SCRG1: variants seen among roughly 807,000 people sequenced by gnomAD.
SCRG1 encodes the protein scrapie-responsive protein 1.
Under a neutral mutation model 7.7 loss-of-function variants are expected in SCRG1, and 3 were observed. The ratio of observed to expected loss-of-function variants is 0.39; its 90% CI spans 0.18 to 1.01. The LOEUF is 1.01. SCRG1 is among the 50% of genes least tolerant of loss of function. The pLI is 0.36. For synonymous variants in SCRG1, 46 were observed against 41.2 expected (o/e 1.12, Z -0.44); for missense variants, 110 against 117.2 (o/e 0.94, Z 0.28).
At chr4:173,504,439 C>T in the SCRG1 span, among the ~76,000 whole-genome samples, 1 of 152,198 alleles carries the variant, frequency 6.6e-6, no homozygotes, top group Admixed American at 6.5e-5. This position sits in a 1 kb window ranked among gnomAD's most constrained non-coding sequence, Gnocchi z 4.7. Context: ...TGGGTAGAAC[C>T]AGACAGGAGA....
the SCRG1 span, among the ~76,000 whole-genome samples, chr4:173,472,639 G>A: frequency 1.3e-4 from 20 of 152,298 alleles, 1 homozygote; most frequent in South Asian, 4.1e-4. Flanking sequence ...AGGAAAATCC[G>A]ATGTCCCAGC....
chr4:173,475,265 G>A, the SCRG1 span, among the ~76,000 whole-genome samples: 24 of 152,206 alleles, frequency 1.6e-4, no homozygotes, highest in Non-Finnish European at 3.2e-4. Flanking sequence ...ACCCCTTAGG[G>A]GACATTTGGA....
chr4:173,458,905 G>T, the SCRG1 span, among the ~76,000 whole-genome samples: 1 of 152,048 alleles, frequency 6.6e-6, no homozygotes, highest in South Asian at 2.1e-4. Context: ...GACCAAAAGT[G>T]AACGGATGGA....
chr4:173,496,641 TG>T, the SCRG1 span, among the ~76,000 whole-genome samples: 1 of 152,174 alleles, frequency 6.6e-6, no homozygotes, highest in African/African-American at 2.4e-5. Context: ...TAATAGTATT[TG>T]CAAACAGGCA....
the SCRG1 span, among the ~76,000 whole-genome samples, chr4:173,473,948 G>A: frequency 1.3e-5 from 2 of 152,220 alleles, no homozygotes; most frequent in Non-Finnish European, 2.9e-5. Flanking sequence ...GGGAGGCTGA[G>A]GTTGGTGGAT....
At chr4:173,454,116 C>A in the SCRG1 span, among the ~76,000 whole-genome samples, 1 of 148,916 alleles carries the variant, frequency 6.7e-6, no homozygotes, top group Non-Finnish European at 1.5e-5. Flanking sequence ...GGAGGCTGTG[C>A]GATCTAGGAA....
chr4:173,482,900 T>C, the SCRG1 span, among the ~76,000 whole-genome samples: 10 of 139,654 alleles, frequency 7.2e-5, no homozygotes, highest in South Asian at 1.3e-3. Context: ...TTATATATAA[T>C]ATATATTAAA....
chr4:173,488,136 T>TAATTA, the SCRG1 span, among the ~76,000 whole-genome samples: 5 of 107,964 alleles, frequency 4.6e-5, no homozygotes, highest in African/African-American at 1.7e-4. Flanking sequence ...TAAATAAATT[T>TAATTA]AAAAAATGGT....
the SCRG1 span, among the ~76,000 whole-genome samples, chr4:173,457,680 T>C: frequency 6.6e-6 from 1 of 152,210 alleles, no homozygotes; most frequent in African/African-American, 2.4e-5. Context: ...AGGTTTTATC[T>C]ATGGGACCTT....
chr4:173,515,767 C>T, the SCRG1 span, among the ~76,000 whole-genome samples: 1 of 152,016 alleles, frequency 6.6e-6, no homozygotes, highest in Non-Finnish European at 1.5e-5. The surrounding 1 kb of genome is among the most constrained non-coding windows in gnomAD (Gnocchi z 4.6). Context: ...TCAGGTTTCC[C>T]GTGGGTTCCA....
At chr4:173,482,211 G>A in the SCRG1 span, among the ~76,000 whole-genome samples, 1 of 152,228 alleles carries the variant, frequency 6.6e-6, no homozygotes, top group African/African-American at 2.4e-5. Context: ...TTATGTGCTT[G>A]TGTAACTAAA....
At chr4:173,433,776 T>C in the SCRG1 span, among the ~76,000 whole-genome samples, 1 of 152,182 alleles carries the variant, frequency 6.6e-6, no homozygotes, top group African/African-American at 2.4e-5. Flanking sequence ...CTCCAGCTAG[T>C]GCCTCTGTCG....
chr4:173,427,318 A>G, the SCRG1 span, among the ~76,000 whole-genome samples: 663 of 152,340 alleles, frequency 4.4e-3, 5 homozygotes, highest in African/African-American at 0.015. Context: ...GTGTGGAAAA[A>G]GCAAAAACAA....
chr4:173,468,837 C>A, the SCRG1 span: 2 of 152,192 alleles, frequency 1.3e-5, no homozygotes, highest in African/African-American at 4.8e-5. Context: ...AAAACCTATT[C>A]CAACAAAGAC....
At chr4:173,475,512 A>G in the SCRG1 span, among the ~76,000 whole-genome samples, 10 of 152,236 alleles carry the variant, frequency 6.6e-5, no homozygotes, top group Non-Finnish European at 4.4e-5. Context: ...TAAATGGTGC[A>G]GCACTGTGAA....
the SCRG1 span, among the ~76,000 whole-genome samples, chr4:173,454,595 G>A: frequency 6.6e-6 from 1 of 152,188 alleles, no homozygotes; most frequent in African/African-American, 2.4e-5. Context: ...ATTACCTTAT[G>A]TGGCACTTCA....
chr4:173,487,111 G>A, the SCRG1 span, among the ~76,000 whole-genome samples: 1 of 152,196 alleles, frequency 6.6e-6, no homozygotes, highest in African/African-American at 2.4e-5. Flanking sequence ...GGTGGAGCCT[G>A]CCTGTCAATT....
the SCRG1 span, among the ~76,000 whole-genome samples, chr4:173,482,835 C>A: frequency 6.9e-6 from 1 of 145,962 alleles, no homozygotes; most frequent in Non-Finnish European, 1.5e-5. Context: ...CACATGCACA[C>A]ACACATACAC....
At chr4:173,460,290 T>C in the SCRG1 span, among the ~76,000 whole-genome samples, 2 of 152,094 alleles carry the variant, frequency 1.3e-5, no homozygotes, top group African/African-American at 4.8e-5. Context: ...AGCTCAGAGA[T>C]GGTGGACTCA....
Sources: gnomAD v4.1 joint callset for allele counts (sites outside exome capture counted in the v4.1 genomes callset) on GRCh38, gnomAD v4.1.1 for gene constraint, Gnocchi (gnomAD v3.1) non-coding constraint, MANE v1.5 for transcripts, NCBI Gene and HGNC (gene_info 2026-07-23, HGNC 2026-07-21) for gene names.